PRR5L: variants seen among roughly 807,000 people sequenced by gnomAD.
PRR5L encodes the protein proline-rich protein 5-like.
PRR5L carries 21 observed loss-of-function variants against 36.4 expected under a neutral mutation model. The ratio of observed to expected loss-of-function variants is 0.58; its 90% CI spans 0.41 to 0.83. PRR5L has a LOEUF of 0.83. PRR5L is among the 40% of genes least tolerant of loss of function. The pLI is 0.00. For missense variants in PRR5L, 381 were observed against 473.3 expected (o/e 0.80, Z 1.81); for synonymous variants, 188 against 197.0 (o/e 0.95, Z 0.38).
chr11:36,318,263 A>T (rs1474681579), intron 1 of PRR5L, among the ~76,000 whole-genome samples: 3 of 152,176 alleles, frequency 2.0e-5, no homozygotes, highest in East Asian at 3.8e-4. Flanking sequence ...ATTTCTCAGG[A>T]TGTGTCTCCA....
intron 1 of PRR5L, among the ~76,000 whole-genome samples, chr11:36,378,149 C>G (rs1857309636): frequency 6.6e-6 from 1 of 152,118 alleles, no homozygotes; most frequent in Non-Finnish European, 1.5e-5. Context: ...GTAAATTGCT[C>G]TGGGGTGGAA....
intron 1 of PRR5L, among the ~76,000 whole-genome samples, chr11:36,320,893 T>A (rs1856608319): frequency 6.6e-6 from 1 of 152,246 alleles, no homozygotes; most frequent in African/African-American, 2.4e-5. Flanking sequence ...AGTACATGGC[T>A]TGGCATGTGG....
intron 1 of PRR5L, among the ~76,000 whole-genome samples, chr11:36,400,070 G>A (rs1857758111): frequency 6.6e-6 from 1 of 152,240 alleles, no homozygotes; most frequent in African/African-American, 2.4e-5. Flanking sequence ...CCCAGCAACT[G>A]CTACAAGGGG....
At chr11:36,388,632 T>C (rs879899388) in intron 1 of PRR5L, among the ~76,000 whole-genome samples, 1 of 151,996 alleles carries the variant, frequency 6.6e-6, no homozygotes, top group Non-Finnish European at 1.5e-5. Context: ...TTTACATAGA[T>C]GGTAGCATAA....
chr11:36,380,964 T>A (rs1347678498), intron 1 of PRR5L, among the ~76,000 whole-genome samples: 2 of 152,214 alleles, frequency 1.3e-5, no homozygotes, highest in Non-Finnish European at 2.9e-5. Flanking sequence ...GAAGACCTTG[T>A]AAACATCTAC....
intron 1 of PRR5L, among the ~76,000 whole-genome samples, chr11:36,297,041 A>G (rs1429387050): frequency 6.6e-6 from 1 of 152,188 alleles, no homozygotes; most frequent in African/African-American, 2.4e-5. Context: ...GCAGCATTCT[A>G]ACTGTTTTGC....
intron 1 of PRR5L, among the ~76,000 whole-genome samples, chr11:36,305,632 G>A (rs568618575): frequency 4.0e-4 from 61 of 152,246 alleles, no homozygotes; most frequent in African/African-American, 1.4e-3. Context: ...AGGTCATAAG[G>A]GTGGGGCCCT....
intron 4 of PRR5L, among the ~76,000 whole-genome samples, chr11:36,422,783 A>G (rs116080099): frequency 0.015 from 2,320 of 152,268 alleles, 61 homozygotes; most frequent in African/African-American, 0.052. Flanking sequence ...CACTGGCTGG[A>G]AAAGTCTCTG....
chr11:36,327,256 G>A (rs189235177), intron 1 of PRR5L, among the ~76,000 whole-genome samples: 42 of 152,264 alleles, frequency 2.8e-4, no homozygotes, highest in Middle Eastern at 3.4e-3. Context: ...GGGATTCCAG[G>A]GTAAACCTGA....
At chr11:36,378,769 C>T (rs1423423633) in intron 1 of PRR5L, among the ~76,000 whole-genome samples, 3 of 152,142 alleles carry the variant, frequency 2.0e-5, no homozygotes, top group South Asian at 2.1e-4. Flanking sequence ...CACTGAGAGA[C>T]TTTGATAATA....
intron 7 of PRR5L, among the ~76,000 whole-genome samples, chr11:36,446,669 G>A (rs780018023): frequency 1.3e-5 from 2 of 152,196 alleles, no homozygotes; most frequent in Non-Finnish European, 2.9e-5. Context: ...GACCACACTG[G>A]GGAGTGAGGG....
intron 8 of PRR5L, among the ~76,000 whole-genome samples, chr11:36,461,156 C>T (rs1859169762): frequency 6.6e-6 from 1 of 152,158 alleles, no homozygotes; most frequent in Non-Finnish European, 1.5e-5. Flanking sequence ...CCAGCTTAAA[C>T]TACCTTCTAT....
intron 4 of PRR5L, among the ~76,000 whole-genome samples, chr11:36,423,332 C>T (rs1287361066): frequency 6.6e-6 from 1 of 152,136 alleles, no homozygotes; most frequent in Admixed American, 6.5e-5. Context: ...AGGCCAGTTT[C>T]CCCTAGAGTT....
chr11:36,395,356 TTAA>T (rs1283737790), intron 1 of PRR5L, among the ~76,000 whole-genome samples: 1 of 152,238 alleles, frequency 6.6e-6, no homozygotes, highest in Non-Finnish European at 1.5e-5. Context: ...TCTTAGGATA[TTAA>T]TAAGAATGTG....
At chr11:36,386,325 TAAATA>T (rs1367962331) in intron 1 of PRR5L, among the ~76,000 whole-genome samples, 2 of 152,148 alleles carry the variant, frequency 1.3e-5, no homozygotes, top group South Asian at 2.1e-4. Context: ...ACGTTAAAAA[TAAATA>T]AAATAAAAAT....
At chr11:36,328,666 A>G (rs1269393917) in intron 1 of PRR5L, among the ~76,000 whole-genome samples, 1 of 152,152 alleles carries the variant, frequency 6.6e-6, no homozygotes, top group African/African-American at 2.4e-5. Flanking sequence ...CAGTGGCAGT[A>G]TATGTTTTTC....
intron 1 of PRR5L, chr11:36,398,525 C>T (rs753438667): frequency 6.6e-6 from 1 of 152,310 alleles, no homozygotes; most frequent in Non-Finnish European, 1.5e-5. Context: ...GAGACAAAGA[C>T]AGCTTCACAT....
intron 1 of PRR5L, among the ~76,000 whole-genome samples, chr11:36,382,220 A>G (rs1157978788): frequency 6.6e-6 from 1 of 152,320 alleles, no homozygotes; most frequent in Non-Finnish European, 1.5e-5. Context: ...GGGTTGTTGA[A>G]TGAGCCCTCA....
chr11:36,455,867 A>T (rs1859046489), intron 8 of PRR5L, among the ~76,000 whole-genome samples: 1 of 152,162 alleles, frequency 6.6e-6, no homozygotes, highest in Admixed American at 6.5e-5. Flanking sequence ...GGAACTTAGC[A>T]AGGAAACGCT....
Sources: allele counts gnomAD v4.1 joint callset (sites outside exome capture counted in the v4.1 genomes callset), GRCh38; gene constraint gnomAD v4.1.1; transcripts MANE v1.5; gene names NCBI Gene and HGNC (gene_info 2026-07-23, HGNC 2026-07-21).